The following ABLIM1 variants were observed in gnomAD, a reference collection of about 807,000 sequenced individuals.
ABLIM1 encodes the protein actin-binding LIM protein 1.
A neutral mutation model predicts 107.0 loss-of-function variants in ABLIM1; 40 were observed. The observed-to-expected ratio is 0.37, with a 90% CI of 0.29 to 0.49. The LOEUF is 0.49. ABLIM1 is among the 20% of genes least tolerant of loss of function. ABLIM1 has a pLI of 0.97. For missense variants in ABLIM1, 857 were observed against 1,008.5 expected, an observed-to-expected ratio of 0.85 and a Z score of 2.04; for synonymous variants, 357 against 357.3, an observed-to-expected ratio of 1.00 and a Z score of 0.01.
intron 1 of ABLIM1, among the ~76,000 whole-genome samples, chr10:114,744,034 C>T (rs1206592359): frequency 6.6e-6 from 1 of 152,118 alleles, no homozygotes; most frequent in Non-Finnish European, 1.5e-5. Context: ...CCTAAGTTGG[C>T]CTCTTGGGAG....
chr10:114,477,471 G>A lies in ABLIM1; in HGVS notation c.1042-3515C>T, dbSNP rs78453809. On this transcript the variant is annotated intron_variant, in intron 8 of 22. Transcript: ENST00000533213. ...GTACACTGGGGCTTTGGGGTCACTC[G>A]TATGTTACTCATCCTTATTTTTGCC... is the stretch of plus-strand genomic sequence containing the variant. Among the ~76,000 whole-genome samples the A allele has an allele frequency of 9.1e-3, 1,388 of 152,248 alleles. 19 individuals are homozygous for A. Among genetic ancestry groups the A allele is most frequent in the African/African-American group, 0.032 (1,322 of 41,540 alleles).
At chr10:114,450,566 G>T (rs1044592423) in intron 14 of ABLIM1, among the ~76,000 whole-genome samples, 6 of 151,298 alleles carry the variant, frequency 4.0e-5, no homozygotes, top group Non-Finnish European at 7.4e-5. Flanking sequence ...CTCCCATGTG[G>T]CTGAGATTAC....
chr10:114,437,829 T>G lies in ABLIM1; in HGVS notation c.2223+15A>C. On this transcript the variant is annotated intron_variant, in intron 22 of 22. Coordinates refer to ENST00000533213, the MANE Select transcript of ABLIM1 (RefSeq NM_002313.7). Reference sequence around the variant, plus strand: ...GGATCTGCAGTTGGGACTGGATTTTTCGGTTTTGTTTTACCTCCAGCCTGG... The same window carrying G: ...GGATCTGCAGTTGGGACTGGATTTTGCGGTTTTGTTTTACCTCCAGCCTGG... The G allele has an allele frequency of 6.2e-7, 1 of 1,611,892 alleles. No individual in the cohort carries two copies. Among genetic ancestry groups the G allele is most frequent in the Non-Finnish European group, 8.5e-7 (1 of 1,177,994 alleles).
chr10:114,472,440 G>T (rs981558842), intron 10 of ABLIM1, among the ~76,000 whole-genome samples: 1 of 151,974 alleles, frequency 6.6e-6, no homozygotes, highest in African/African-American at 2.4e-5. Context: ...TCAAACAATC[G>T]GCATGTGGTG....
intron 2 of ABLIM1, among the ~76,000 whole-genome samples, chr10:114,584,626 C>T (rs567925089): frequency 1.3e-5 from 2 of 152,278 alleles, no homozygotes; most frequent in Non-Finnish European, 2.9e-5. Context: ...ATATCTTTTG[C>T]TAATGCATTG....
At chr10:114,597,596 CAAAA>C (rs2075553373) in intron 2 of ABLIM1, among the ~76,000 whole-genome samples, 1 of 151,600 alleles carries the variant, frequency 6.6e-6, no homozygotes, top group African/African-American at 2.4e-5. Context: ...AAAAGAAAAA[CAAAA>C]AGAAAAGAAA....
intron 6 of ABLIM1, among the ~76,000 whole-genome samples, chr10:114,534,128 G>T (rs955179140): frequency 6.6e-6 from 1 of 152,156 alleles, no homozygotes; most frequent in South Asian, 2.1e-4. Flanking sequence ...TTTAGAAGAA[G>T]GGGCATGATC....
chr10:114,503,513 G>A (rs2060712977), intron 6 of ABLIM1, among the ~76,000 whole-genome samples: 1 of 152,080 alleles, frequency 6.6e-6, no homozygotes, highest in South Asian at 2.1e-4. Context: ...TCCTGCCCAT[G>A]TCTTTTGGTA....
chr10:114,464,773 T>A (rs1386409618), intron 12 of ABLIM1, among the ~76,000 whole-genome samples: 1 of 152,230 alleles, frequency 6.6e-6, no homozygotes, highest in African/African-American at 2.4e-5. Flanking sequence ...TCATTTCTTG[T>A]ACAATTTATT....
intron 1 of ABLIM1, among the ~76,000 whole-genome samples, chr10:114,680,081 T>C (rs994124151): frequency 3.9e-5 from 6 of 152,158 alleles, no homozygotes; most frequent in African/African-American, 1.4e-4. Flanking sequence ...CAAACTAGAA[T>C]CAAGGCCTTG....
At chr10:114,704,300 CTCTATATA>C (rs1485714576) in intron 1 of ABLIM1, among the ~76,000 whole-genome samples, 428 of 28,862 alleles carry the variant, frequency 0.015, no homozygotes, top group African/African-American at 0.046. Flanking sequence ...CTCTCTCTCT[CTCTATATA>C]TATATATATA....
chr10:114,487,125 T>G (rs2058309122), intron 8 of ABLIM1, among the ~76,000 whole-genome samples: 1 of 152,212 alleles, frequency 6.6e-6, no homozygotes, highest in African/African-American at 2.4e-5. Flanking sequence ...ACATAGCTTC[T>G]GATGCCTGGT....
chr10:114,524,820 G>C (rs533854915), intron 6 of ABLIM1, among the ~76,000 whole-genome samples: 1 of 152,202 alleles, frequency 6.6e-6, no homozygotes, highest in Non-Finnish European at 1.5e-5. Context: ...ATGTATATCC[G>C]CAGCAAGTCC....
At chr10:114,513,212 C>T (rs140436371) in intron 6 of ABLIM1, among the ~76,000 whole-genome samples, 11 of 152,272 alleles carry the variant, frequency 7.2e-5, no homozygotes, top group African/African-American at 2.6e-4. Flanking sequence ...ACCCCTTGTA[C>T]ATTTAACTGA....
intron 2 of ABLIM1, among the ~76,000 whole-genome samples, chr10:114,601,155 T>C (rs560047333): frequency 1.3e-5 from 2 of 151,694 alleles, no homozygotes; most frequent in East Asian, 1.9e-4. Flanking sequence ...AGGCCTCCTA[T>C]AACTAATGGG....
intron 1 of ABLIM1, among the ~76,000 whole-genome samples, chr10:114,664,910 A>G (rs1333535966): frequency 2.0e-5 from 3 of 151,156 alleles, no homozygotes; most frequent in South Asian, 4.2e-4. Context: ...CGAGGTCAGG[A>G]AATCCAGACC....
At chr10:114,798,803 A>ATT in the ABLIM1 span, among the ~76,000 whole-genome samples, 102 of 148,624 alleles carry the variant, frequency 6.9e-4, 3 homozygotes, top group South Asian at 0.021. Context: ...TTTTTAATTA[A>ATT]TTTTTTTTTT....
At chr10:114,734,075 G>T (rs1205771501) in intron 1 of ABLIM1, among the ~76,000 whole-genome samples, 2 of 151,870 alleles carry the variant, frequency 1.3e-5, no homozygotes, top group Admixed American at 6.6e-5. Context: ...GGTCAGGCTG[G>T]TCTCAAACTT....
chr10:114,608,777 G>A (rs748856968), intron 1 of ABLIM1, among the ~76,000 whole-genome samples: 2 of 152,078 alleles, frequency 1.3e-5, no homozygotes, highest in African/African-American at 2.4e-5. Context: ...CACCTTGGGC[G>A]GCCAAGGCGG....
Sources: gnomAD v4.1 joint callset for allele counts (sites outside exome capture counted in the v4.1 genomes callset) on GRCh38, gnomAD v4.1.1 for gene constraint, MANE v1.5 for transcripts, NCBI Gene and HGNC (gene_info 2026-07-23, HGNC 2026-07-21) for gene names.